Variants in KMT5A observed in about 807,000 individuals in gnomAD.
KMT5A encodes N-lysine methyltransferase KMT5A.
Under a neutral mutation model 40.6 loss-of-function variants are expected in KMT5A, and 6 were observed. The observed-to-expected ratio is 0.15, with a 90% CI of 0.08 to 0.29. The LOEUF (loss-of-function observed/expected upper bound fraction) is 0.29. Ranked by LOEUF, KMT5A falls within the 10% of genes least tolerant of loss-of-function variation. The pLI, the probability that KMT5A is intolerant of heterozygous loss-of-function variation, is 1.00. For synonymous variants in KMT5A, 153 were observed against 178.8 expected, an observed-to-expected ratio of 0.86 and a Z score of 1.15; for missense variants, 308 against 459.1, an observed-to-expected ratio of 0.67 and a Z score of 3.01.
intron 3 of KMT5A, 65 bp downstream of exon 3, chr12:123,390,851 G>T: frequency 6.5e-7 from 1 of 1,546,414 alleles, no homozygotes; most frequent in Non-Finnish European, 8.8e-7. Flanking sequence ...TCTGTCCTCT[G>T]CAAGAATGCA....
rs1169988117 is a variant in KMT5A at position 123,407,980 on chromosome 12, G to A, written c.*277G>A. 8 of 398,234 alleles carry A rather than the reference G, an allele frequency of 2.0e-5. No individual in the cohort carries two copies. Among genetic ancestry groups the A allele is most frequent in the Admixed American group, 8.2e-5 (2 of 24,274 alleles). 24.7% of individuals were successfully genotyped at this position (398,234 alleles called of 1,614,324 possible). A position where few individuals can be genotyped will look rare whatever the true frequency, so the allele number is the denominator to read the frequency against. On this transcript the variant is annotated 3_prime_UTR_variant, in exon 8 of 8. Transcript: ENST00000402868. ...TACAAGCCGAACGTTTGTGCTTCCC[G>A]TGCATGCAGTCAAAGACTCAGCACA...
At chr12:123,390,841 T>C (rs1877263067) in intron 3 of KMT5A, 55 bp downstream of exon 3, 3 of 1,574,856 alleles carry the variant, frequency 1.9e-6, no homozygotes, top group Admixed American at 3.6e-5. Context: ...TGCAGAAGCC[T>C]CTGTCCTCTG....
intron 5 of KMT5A, among the ~76,000 whole-genome samples, chr12:123,399,529 G>A (rs1877993772): frequency 6.6e-6 from 1 of 152,180 alleles, no homozygotes; most frequent in Admixed American, 6.5e-5. Flanking sequence ...GTTTACATGG[G>A]CCCCCGTACT....
chr12:123,392,908 G>A (rs753574340), intron 3 of KMT5A, among the ~76,000 whole-genome samples: 2 of 152,036 alleles, frequency 1.3e-5, no homozygotes, highest in Non-Finnish European at 2.9e-5. Flanking sequence ...ACACAGTCTC[G>A]CTCTGTCTTG....
chr12:123,396,519 A>G, intron 5 of KMT5A, 87 bp downstream of exon 5: 1 of 1,281,564 alleles, frequency 7.8e-7, no homozygotes, highest in Non-Finnish European at 1.1e-6. Context: ...GTGTGTCCTC[A>G]GCCTTGTTTT....
At chr12:123,390,387 C>G (rs1003853041) in intron 2 of KMT5A, among the ~76,000 whole-genome samples, 1 of 152,168 alleles carries the variant, frequency 6.6e-6, no homozygotes, top group African/African-American at 2.4e-5. Flanking sequence ...GCAGCCGACT[C>G]TCCTGCTGGC....
Position 123,398,627 on chromosome 12 carries a change from C to T in KMT5A, c.597+2195C>T, listed in dbSNP as rs552235575. Among the ~76,000 whole-genome samples the T allele has an allele frequency of 2.0e-5, 3 of 152,346 alleles. No individual in the cohort carries two copies. The South Asian group carries it at 6.2e-4, about 32-fold the overall frequency. On this transcript the variant is annotated intron_variant, in intron 5 of 7. Coordinates refer to ENST00000402868, the MANE Select transcript of KMT5A (RefSeq NM_020382.7). Reference sequence around the variant, plus strand: ...TTCCTGGACCGGGAGCCGTGCTTTGCCCCCCACTGTTTGTGTTGGCTCTGC... The same window carrying T: ...TTCCTGGACCGGGAGCCGTGCTTTGTCCCCCACTGTTTGTGTTGGCTCTGC...
chr12:123,407,404 C>A, intron 7 of KMT5A, 89 bp from the exon 8 acceptor site: 1 of 1,219,356 alleles, frequency 8.2e-7, no homozygotes, highest in Non-Finnish European at 1.2e-6. Flanking sequence ...AAATCAGCAT[C>A]CCACCAGAGC....
intron 6 of KMT5A, 127 bp downstream of exon 6, chr12:123,403,759 C>T: frequency 3.1e-6 from 3 of 975,106 alleles, no homozygotes; most frequent in Non-Finnish European, 4.7e-6. Context: ...CAGGCAGACT[C>T]TATTAGGTTG....
At position 123,384,248 on chromosome 12, in the gene KMT5A, G is replaced by C. The variant is rs775694835; in HGVS notation, c.10+40G>C. ...GGCCGGCACCGGAGCGGCTGGGTCG[G>C]GGGTCGTGCTGGAGGGGTTGCCGGG... On this transcript the variant is annotated intron_variant, in intron 1 of 7. Transcript: ENST00000402868. The surrounding 1 kb of genome is among the most constrained non-coding windows in gnomAD (Gnocchi z 5.7). 1.2e-6 allele frequency: 2 copies of C among 1,610,344 alleles called. No homozygotes were observed. Among genetic ancestry groups the C allele is most frequent in the Non-Finnish European group, 8.5e-7 (1 of 1,178,878 alleles).
intron 1 of KMT5A, among the ~76,000 whole-genome samples, chr12:123,385,707 C>G (rs994511428): frequency 1.9e-4 from 29 of 151,926 alleles, no homozygotes; most frequent in African/African-American, 6.5e-4. Flanking sequence ...CAAAATTAGC[C>G]GGGCATGGCA....
At chr12:123,394,894 A>G (rs968044853) in intron 3 of KMT5A, among the ~76,000 whole-genome samples, 153 bp from the exon 4 acceptor site, 13 of 152,184 alleles carry the variant, frequency 8.5e-5, no homozygotes, top group Non-Finnish European at 1.5e-5. Flanking sequence ...GTCATAGCCC[A>G]TAGCGGACAC....
intron 5 of KMT5A, among the ~76,000 whole-genome samples, chr12:123,402,630 C>T (rs1157450039): frequency 2.0e-5 from 3 of 152,182 alleles, no homozygotes; most frequent in Non-Finnish European, 2.9e-5. Flanking sequence ...TCTGTAGTAT[C>T]TGTGCAGTGG....
intron 7 of KMT5A, 131 bp from the exon 8 acceptor site, chr12:123,407,362 A>G (rs1878632992): frequency 1.1e-6 from 1 of 910,708 alleles, no homozygotes; most frequent in South Asian, 1.7e-5. Flanking sequence ...AAATAGCTTT[A>G]TGAATTGAAT....
chr12:123,402,857 T>G (rs773857668), intron 5 of KMT5A, among the ~76,000 whole-genome samples: 7 of 152,222 alleles, frequency 4.6e-5, no homozygotes, highest in Non-Finnish European at 8.8e-5. Flanking sequence ...CAGAGCCATG[T>G]GGACTGCGTG....
chr12:123,390,811 C>T, intron 3 of KMT5A, 25 bp downstream of exon 3: 1 of 1,611,384 alleles, frequency 6.2e-7, no homozygotes, highest in Non-Finnish European at 8.5e-7. Flanking sequence ...TGGCCTCGTT[C>T]TGATCCCAGC....
chr12:123,407,608 G>A lies in KMT5A; in HGVS notation c.964G>A (p.Ala322Thr). 1 of 1,613,694 alleles carries A rather than the reference G, an allele frequency of 6.2e-7. No homozygotes were observed. The highest frequency in any genetic ancestry group is 8.5e-7 in the Non-Finnish European group (1 of 1,179,830). The change falls in exon 8 of 8, where the codon GCC (alanine) becomes ACC (threonine). Residue 322 changes from alanine to threonine, a missense_variant. Ala to Thr is a moderately conservative substitution (Grantham distance 58). Coordinates refer to ENST00000402868, the MANE Select transcript of KMT5A (RefSeq NM_020382.7). Reference protein sequence around the residue: ...IDGVPHLILIASRDIAAGEEL... With the variant: ...IDGVPHLILITSRDIAAGEEL... ...CGGCGTACCTCACCTCATCCTCATC[G>A]CCTCCCGAGACATCGCGGCTGGGGA...
intron 5 of KMT5A, among the ~76,000 whole-genome samples, chr12:123,399,212 T>A (rs1877966921): frequency 6.6e-6 from 1 of 152,254 alleles, no homozygotes; most frequent in Non-Finnish European, 1.5e-5. Flanking sequence ...CTGATTCCGC[T>A]TGGGAAGGTC....
At position 123,407,698 on chromosome 12, in the gene KMT5A, C is replaced by G; in HGVS notation, c.1054C>G (p.His352Asp). The change falls in exon 8 of 8, where the codon CAT (histidine) becomes GAT (aspartate). Residue 352 changes from histidine (H) to aspartate (D), a missense_variant. His to Asp is a moderately conservative substitution (Grantham distance 81). Coordinates refer to ENST00000402868, the MANE Select transcript of KMT5A (RefSeq NM_020382.7). ...CATTGAAGCCCACCCGTGGCTGAAG[C>G]ATTAACCGGTGGGCCCCGTGCCCTC... ...ASIEAHPWLKH is the reference protein window; with the variant it reads ...ASIEAHPWLKD 6.2e-7 allele frequency: 1 copy of G among 1,612,366 alleles called. No homozygotes were observed. Among genetic ancestry groups the G allele is most frequent in the Non-Finnish European group, 8.5e-7 (1 of 1,179,160 alleles).
Sources: allele counts gnomAD v4.1 joint callset (sites outside exome capture counted in the v4.1 genomes callset), GRCh38; gene constraint gnomAD v4.1.1; non-coding constraint Gnocchi (gnomAD v3.1); transcripts MANE v1.5; gene names NCBI Gene and HGNC (gene_info 2026-07-23, HGNC 2026-07-21).